Variants in DNAJC2 observed in about 807,000 individuals in gnomAD.
The protein encoded by DNAJC2 is DnaJ heat shock protein family (Hsp40) member C2, also known as dnaJ homolog subfamily C member 2.
In DNAJC2, 32 loss-of-function variants were observed where a neutral mutation model predicts 94.0. The ratio of observed to expected loss-of-function variants is 0.34; its 90% CI spans 0.26 to 0.46. The LOEUF is 0.46. Ranked by LOEUF, DNAJC2 falls within the 20% of genes least tolerant of loss-of-function variation. The pLI is 1.00. For synonymous variants in DNAJC2, 210 were observed against 229.7 expected (o/e 0.91, Z 0.77); for missense variants, 550 against 719.5 (o/e 0.76, Z 2.69).
At chr7:103,337,416 A>G (rs1819215801) in intron 3 of DNAJC2, 1 of 205,040 alleles carries the variant, frequency 4.9e-6, no homozygotes, top group Non-Finnish European at 9.7e-6. Flanking sequence ...AGTATCCACT[A>G]AGTGCAGCTG....
Position 103,312,793 on chromosome 7 carries a change from G to C in DNAJC2, c.1792-150C>G, listed in dbSNP as rs150086368. ...CTGCCAGGGCCTAGAAAGTTTCTAA[G>C]GTTGCTCATTTCTTCCTCATAATAT... On this transcript the variant is annotated intron_variant, in intron 16 of 16. Transcript: ENST00000379263. 1,060 of 1,509,220 alleles carry C rather than the reference G, an allele frequency of 7.0e-4. 8 individuals are homozygous for C. In the African/African-American group the frequency reaches 0.013, roughly 18 times the overall value. 93.5% of individuals were successfully genotyped at this position (1,509,220 alleles called of 1,614,324 possible).
rs2116089442 is a variant in DNAJC2, at chr7:103,344,742, G to C, written c.-120C>G. On this transcript the variant is annotated 5_prime_UTR_variant, in exon 1 of 17. Transcript: ENST00000379263. ...TCGCGCCTTGGCTCTAAGACGCCCAGGAACCGGCGCATGGAGACGACCAGT... is the reference window on the plus strand; with the variant it reads ...TCGCGCCTTGGCTCTAAGACGCCCACGAACCGGCGCATGGAGACGACCAGT... The C allele has an allele frequency of 9.7e-7, 1 of 1,026,848 alleles. No homozygotes were observed. The highest frequency in any genetic ancestry group is 1.5e-6 in the Non-Finnish European group (1 of 684,256). 63.6% of individuals were successfully genotyped at this position (1,026,848 alleles called of 1,614,324 possible). A position where few individuals can be genotyped will look rare whatever the true frequency, so the allele number is the denominator to read the frequency against.
intron 3 of DNAJC2, among the ~76,000 whole-genome samples, chr7:103,332,510 T>G (rs1176747765): frequency 1.3e-5 from 2 of 152,216 alleles, no homozygotes; most frequent in African/African-American, 4.8e-5. Context: ...AAGTTTATAT[T>G]CAGCATTAGA....
chr7:103,332,869 C>T (rs1183819624), intron 3 of DNAJC2, among the ~76,000 whole-genome samples: 1 of 152,162 alleles, frequency 6.6e-6, no homozygotes, highest in Non-Finnish European at 1.5e-5. Context: ...AACAATCCAC[C>T]CACCTCAGCC....
chr7:103,323,879 T>A (rs1286398593), intron 6 of DNAJC2, among the ~76,000 whole-genome samples: 1 of 152,224 alleles, frequency 6.6e-6, no homozygotes, highest in Non-Finnish European at 1.5e-5. Context: ...CGCCCTGCTA[T>A]CTCTTCTTTG....
rs117231788 is a variant in DNAJC2, at chr7:103,317,406, G to C, written c.1243-392C>G. The C allele has an allele frequency of 4.0e-3, 676 of 166,924 alleles. 3 individuals are homozygous for C. The highest frequency in any genetic ancestry group is 6.7e-3 in the Non-Finnish European group (528 of 78,380). The allele number at this position is 166,924 out of a possible 1,614,324, so 10.3% of individuals were successfully genotyped here. On this transcript the variant is annotated intron_variant, in intron 12 of 16. Transcript: ENST00000379263. ...TTCTCTACCAAAAGGTGAAGGCATA[G>C]CAAAATGGCCTCTTTTATTTTGAAG...
rs1029356092 is a variant in DNAJC2 at position 103,312,836 on chromosome 7, G to A, written c.1791+111C>T. 7 of 1,522,548 alleles carry A rather than the reference G, an allele frequency of 4.6e-6. No individual in the cohort carries two copies. In the East Asian group the frequency reaches 9.0e-5, roughly 20 times the overall value. The allele number at this position is 1,522,548 out of a possible 1,614,324, so 94.3% of individuals were successfully genotyped here. ...CATAATATTGACCCCATAACTACTG[G>A]TTTTGAAATAAGCACTATATTATTA... On this transcript the variant is annotated intron_variant, in intron 16 of 16. Transcript: ENST00000379263.
chr7:103,329,345 A>G (rs1563468159), intron 3 of DNAJC2: 1 of 156,602 alleles, frequency 6.4e-6, no homozygotes, highest in African/African-American at 2.4e-5. Context: ...ACTTGCTCAA[A>G]CTTCCGGCCA....
In DNAJC2 at chr7:103,316,206, T is replaced by C. The variant is rs1038785590; in HGVS notation, c.1428-118A>G. ...ATAGTATGTACAGAATGAGCTCAGA[T>C]TGGTGGTCTAATTATGCTGCTACTA... On this transcript the variant is annotated intron_variant, in intron 13 of 16. Transcript: ENST00000379263. The C allele has an allele frequency of 7.0e-5, 38 of 540,712 alleles. No homozygotes were observed. In the South Asian group the frequency reaches 9.1e-4, roughly 13 times the overall value. The allele number at this position is 540,712 out of a possible 1,614,324, so 33.5% of individuals were successfully genotyped here. A position where few individuals can be genotyped will look rare whatever the true frequency, so the allele number is the denominator to read the frequency against.
intron 1 of DNAJC2, among the ~76,000 whole-genome samples, chr7:103,343,743 G>C (rs1819482740): frequency 1.3e-5 from 2 of 152,194 alleles, no homozygotes; most frequent in South Asian, 4.1e-4. Flanking sequence ...CACAGGAGAG[G>C]ATTAAAACAC....
chr7:103,344,548 T>C lies in DNAJC2; in HGVS notation c.64+11A>G. ...GAGGTGAGAAGGAACCGAGGTTGGG[T>C]GGGCACTTACCAGAGGTCAGAGCGT... On this transcript the variant is annotated intron_variant, in intron 1 of 16. Coordinates refer to ENST00000379263, the MANE Select transcript of DNAJC2 (RefSeq NM_014377.3). 6.2e-7 allele frequency: 1 copy of C among 1,613,670 alleles called. No individual in the cohort carries two copies. Among genetic ancestry groups the C allele is most frequent in the Non-Finnish European group, 8.5e-7 (1 of 1,179,914 alleles).
chr7:103,330,556 G>C (rs1018307989), intron 3 of DNAJC2, among the ~76,000 whole-genome samples: 7 of 152,122 alleles, frequency 4.6e-5, no homozygotes, highest in African/African-American at 1.7e-4. Context: ...GGGTTCAAGA[G>C]ATTTCCTGCC....
At chr7:103,314,174 G>T (rs1817916151) in intron 15 of DNAJC2, 1 of 985,176 alleles carries the variant, frequency 1.0e-6, no homozygotes, top group African/African-American at 1.7e-5. Context: ...TCCTTGTATT[G>T]GTTTAAAGCC....
At chr7:103,333,425 G>C (rs767545650) in intron 3 of DNAJC2, among the ~76,000 whole-genome samples, 2 of 152,096 alleles carry the variant, frequency 1.3e-5, no homozygotes, top group African/African-American at 4.8e-5. Flanking sequence ...TTTTATTTCT[G>C]TCTAGGCTCA....
chr7:103,314,075 G>T lies in DNAJC2; in HGVS notation c.1637-974C>A, dbSNP rs551638352. The stretch of plus-strand genomic sequence containing the variant: ...CACCACCTATTCAAAACAAAGCAGA[G>T]AATTTGTATAATATTTGATGGTACC... On this transcript the variant is annotated intron_variant, in intron 15 of 16. Coordinates refer to ENST00000379263, the MANE Select transcript of DNAJC2 (RefSeq NM_014377.3). 1.6e-4 allele frequency: 159 copies of T among 985,340 alleles called. 1 individual carries two copies. In the Admixed American group the frequency reaches 9.2e-3, roughly 57 times the overall value. The allele number at this position is 985,340 out of a possible 1,614,324, so 61.0% of individuals were successfully genotyped here. A position where few individuals can be genotyped will look rare whatever the true frequency, so the allele number is the denominator to read the frequency against.
At chr7:103,322,368 C>T in intron 9 of DNAJC2, 143 bp downstream of exon 9, 1 of 914,676 alleles carries the variant, frequency 1.1e-6, no homozygotes, top group South Asian at 2.0e-5. Flanking sequence ...TCAATTATAC[C>T]AACTGGTCAT....
intron 8 of DNAJC2, 28 bp downstream of exon 8, chr7:103,322,675 T>G (rs771733226): frequency 5.0e-6 from 8 of 1,612,948 alleles, no homozygotes; most frequent in South Asian, 3.3e-5. Flanking sequence ...TTTCTAACAT[T>G]TAGGGGACTT....
intron 12 of DNAJC2, among the ~76,000 whole-genome samples, chr7:103,317,771 C>A (rs1818153815): frequency 6.6e-6 from 1 of 152,170 alleles, no homozygotes; most frequent in Non-Finnish European, 1.5e-5. Context: ...CTGCCTCAGC[C>A]TCCCAAGTAG....
At chr7:103,316,752 G>C (rs1818082301) in intron 13 of DNAJC2, 78 bp downstream of exon 13, 1 of 1,184,170 alleles carries the variant, frequency 8.4e-7, no homozygotes, top group Non-Finnish European at 1.2e-6. Context: ...GTGATAACAA[G>C]TGCTGCTATT....
Sources: allele counts gnomAD v4.1 joint callset (sites outside exome capture counted in the v4.1 genomes callset), GRCh38; gene constraint gnomAD v4.1.1; transcripts MANE v1.5; gene names NCBI Gene and HGNC (gene_info 2026-07-23, HGNC 2026-07-21).